The following CLIP4 variants were observed in gnomAD, a reference collection of about 807,000 sequenced individuals.
CLIP4 encodes CAP-Gly domain-containing linker protein 4.
In CLIP4, 47 loss-of-function variants were observed where a neutral mutation model predicts 73.1. The ratio of observed to expected loss-of-function variants is 0.64; its 90% CI spans 0.51 to 0.82. CLIP4 has a LOEUF of 0.82. CLIP4 is among the 40% of genes least tolerant of loss of function. The pLI, the probability that CLIP4 is intolerant of heterozygous loss-of-function variation, is 0.00. For synonymous variants in CLIP4, 306 were observed against 295.4 expected (o/e 1.04, Z -0.37); for missense variants, 874 against 852.9 (o/e 1.02, Z -0.31).
At chr2:29,179,275 T>G (rs1558591451) in intron 15 of CLIP4, among the ~76,000 whole-genome samples, 1 of 152,264 alleles carries the variant, frequency 6.6e-6, no homozygotes, top group East Asian at 1.9e-4. Context: ...TTATGTCTAT[T>G]TTTCATTTTT....
At position 29,144,484 on chromosome 2, in the gene CLIP4, GC is replaced by G. The variant is rs201291211; in HGVS notation, c.885+541del. 7.0e-3 allele frequency among the ~76,000 whole-genome samples: 1,061 copies of G among 152,096 alleles called. 21 individuals are homozygous for G. Among genetic ancestry groups the G allele is most frequent in the African/African-American group, 0.024 (1,007 of 41,504 alleles). Reference sequence around the variant, plus strand: ...TGTTTCCATATTGTATTCATTTATTGCCAGTTGCTTTTTAAAAATATCTCAT... The same window carrying G: ...TGTTTCCATATTGTATTCATTTATTGCAGTTGCTTTTTAAAAATATCTCAT... On this transcript the variant is annotated intron_variant, in intron 7 of 15. Coordinates refer to ENST00000320081, the MANE Select transcript of CLIP4 (RefSeq NM_024692.6).
chr2:29,149,800 A>G (rs1666426917), intron 8 of CLIP4, among the ~76,000 whole-genome samples: 1 of 151,946 alleles, frequency 6.6e-6, no homozygotes, highest in Non-Finnish European at 1.5e-5. Context: ...TTTTTAAGCC[A>G]TAGAATTAAA....
intron 1 of CLIP4, among the ~76,000 whole-genome samples, chr2:29,108,257 A>T (rs1668287317): frequency 6.6e-6 from 1 of 152,204 alleles, no homozygotes; most frequent in Non-Finnish European, 1.5e-5. Flanking sequence ...TACCAGCATC[A>T]CTACTTTTGT....
Position 29,167,565 on chromosome 2 carries a change from C to G in CLIP4, c.1723+25C>G, listed in dbSNP as rs770893089. 6 of 1,536,078 alleles carry G rather than the reference C, an allele frequency of 3.9e-6. No homozygotes were observed. The African/African-American group carries it at 7.0e-5, about 18-fold the overall frequency. Reference sequence around the variant, plus strand: ...GGTAAGACTACACAGTTTTGTGTTCCTAATCAATATTTCTTTGCTTTCATT... The same window carrying G: ...GGTAAGACTACACAGTTTTGTGTTCGTAATCAATATTTCTTTGCTTTCATT... On this transcript the variant is annotated intron_variant, in intron 14 of 15. Transcript: ENST00000320081.
At chr2:29,135,690 A>C (rs757378488) in intron 6 of CLIP4, 24 bp downstream of exon 6, 1 of 1,461,844 alleles carries the variant, frequency 6.8e-7, no homozygotes, top group Non-Finnish European at 9.4e-7. Context: ...TTAAAAGTGA[A>C]AAATATTAAA....
intron 2 of CLIP4, chr2:29,130,580 A>T: frequency 9.1e-7 from 1 of 1,102,728 alleles, no homozygotes; most frequent in Non-Finnish European, 1.1e-6. Flanking sequence ...TTTGGCTCAG[A>T]GGCCAAGGTT....
intron 9 of CLIP4, among the ~76,000 whole-genome samples, chr2:29,153,425 A>G (rs546686160): frequency 3.9e-4 from 59 of 151,834 alleles, no homozygotes; most frequent in African/African-American, 1.3e-3. Flanking sequence ...GGTCCTCACC[A>G]TTTTTTTCGA....
chr2:29,128,086 A>T (rs368409569), intron 2 of CLIP4, among the ~76,000 whole-genome samples: 84 of 152,264 alleles, frequency 5.5e-4, no homozygotes, highest in African/African-American at 2.0e-3. Context: ...TAATAGATCA[A>T]ATAAGCCTAG....
rs564273499 is a variant in CLIP4 at position 29,154,297 on chromosome 2, A to T, written c.1165+1469A>T. On this transcript the variant is annotated intron_variant, in intron 9 of 15. Coordinates refer to ENST00000320081, the MANE Select transcript of CLIP4 (RefSeq NM_024692.6). Reference sequence around the variant, plus strand: ...AGGAGCAGAAAAGGGGTCTCCTATTAGATAGAATGTGGATGAAATCACCTG... The same window carrying T: ...AGGAGCAGAAAAGGGGTCTCCTATTTGATAGAATGTGGATGAAATCACCTG... Among the ~76,000 whole-genome samples, 17 of 152,282 alleles carry T rather than the reference A, an allele frequency of 1.1e-4. No individual in the cohort carries two copies. In the East Asian group the frequency reaches 3.1e-3, roughly 28 times the overall value.
chr2:29,156,538 A>G (rs1446557503), intron 10 of CLIP4, 95 bp downstream of exon 10: 1 of 900,742 alleles, frequency 1.1e-6, no homozygotes, highest in Non-Finnish European at 1.7e-6. Flanking sequence ...GTTAAGTTTT[A>G]AAGTTGGCAA....
At chr2:29,120,318 A>G (rs1276808872) in intron 1 of CLIP4, among the ~76,000 whole-genome samples, 2 of 152,180 alleles carry the variant, frequency 1.3e-5, no homozygotes, top group African/African-American at 4.8e-5. Context: ...GAAAACATGA[A>G]TCAAGTTAGG....
chr2:29,164,106 TC>T (rs1573003496), intron 13 of CLIP4, 152 bp downstream of exon 13: 2 of 713,772 alleles, frequency 2.8e-6, no homozygotes, highest in Non-Finnish European at 4.5e-6. Flanking sequence ...GAGAGAAGGC[TC>T]ATGGAAAGCT....
Position 29,182,297 on chromosome 2 carries a change from T to G in CLIP4, c.*404T>G, listed in dbSNP as rs1668684318. The G allele has an allele frequency of 6.5e-6, 1 of 154,956 alleles. No individual in the cohort carries two copies. Among genetic ancestry groups the G allele is most frequent in the African/African-American group, 2.4e-5 (1 of 41,524 alleles). The allele number at this position is 154,956 out of a possible 1,614,324, so 9.6% of individuals were successfully genotyped here. A position where few individuals can be genotyped will look rare whatever the true frequency, so the allele number is the denominator to read the frequency against. The stretch of plus-strand genomic sequence containing the variant: ...GTGTAATGTTCACGTGACCTTTTTT[T>G]GTCAATCATTTTTGGAATTTTTCTT... On this transcript the variant is annotated 3_prime_UTR_variant, in exon 16 of 16. Transcript: ENST00000320081.
intron 14 of CLIP4, among the ~76,000 whole-genome samples, chr2:29,168,178 A>G (rs1293313598): frequency 1.3e-5 from 2 of 152,174 alleles, no homozygotes; most frequent in South Asian, 2.1e-4. Context: ...AAGGGCTTAA[A>G]TGGTATTTCA....
At chr2:29,149,335 A>C (rs1419251602) in intron 8 of CLIP4, among the ~76,000 whole-genome samples, 1 of 152,066 alleles carries the variant, frequency 6.6e-6, no homozygotes, top group Non-Finnish European at 1.5e-5. Flanking sequence ...AACAAAAAGT[A>C]GGTAGAGGTT....
At chr2:29,152,341 A>G (rs767824449) in intron 8 of CLIP4, among the ~76,000 whole-genome samples, 11 of 152,294 alleles carry the variant, frequency 7.2e-5, no homozygotes, top group African/African-American at 1.9e-4. Flanking sequence ...TATGGCAAAC[A>G]GTCTTCAAAT....
At chr2:29,103,354 A>T (rs1290440431) in intron 1 of CLIP4, among the ~76,000 whole-genome samples, 1 of 151,858 alleles carries the variant, frequency 6.6e-6, no homozygotes, top group African/African-American at 2.4e-5. Context: ...ATTTTCTCTG[A>T]TCTCCTTTTT....
intron 15 of CLIP4, among the ~76,000 whole-genome samples, chr2:29,178,014 A>G (rs1668442919): frequency 6.6e-6 from 1 of 152,146 alleles, no homozygotes; most frequent in African/African-American, 2.4e-5. Context: ...TCCATTATTT[A>G]CTTGTTTCTT....
chr2:29,139,339 T>C (rs186321934), intron 6 of CLIP4, among the ~76,000 whole-genome samples: 7 of 152,162 alleles, frequency 4.6e-5, no homozygotes, highest in African/African-American at 9.6e-5. Flanking sequence ...CTTGCATGAC[T>C]TGATCACGGT....
Sources: allele counts gnomAD v4.1 joint callset (sites outside exome capture counted in the v4.1 genomes callset), GRCh38; gene constraint gnomAD v4.1.1; transcripts MANE v1.5; gene names NCBI Gene and HGNC (gene_info 2026-07-23, HGNC 2026-07-21).